Variants in FSD1L observed in about 807,000 individuals in gnomAD.
The protein encoded by FSD1L is fibronectin type III and SPRY domain containing 1 like.
A neutral mutation model predicts 71.6 loss-of-function variants in FSD1L; 45 were observed. The ratio of observed to expected loss-of-function variants is 0.63; its 90% CI spans 0.49 to 0.81. The LOEUF is 0.81. Ranked by LOEUF, FSD1L falls within the 30% of genes least tolerant of loss-of-function variation. FSD1L has a pLI of 0.00. For synonymous variants in FSD1L, 197 were observed against 207.2 expected, an observed-to-expected ratio of 0.95 and a Z score of 0.42; for missense variants, 561 against 618.1, an observed-to-expected ratio of 0.91 and a Z score of 0.98.
chr9:105,452,628 C>CGCCTGCCT (rs530990124), intron 1 of FSD1L, among the ~76,000 whole-genome samples: 3,299 of 124,190 alleles, frequency 0.027, 179 homozygotes, highest in African/African-American at 0.069. Context: ...GGCGCTCGCT[C>CGCCTGCCT]GCCTGCCTGC....
At chr9:105,476,211 G>A (rs558362009) in intron 5 of FSD1L, among the ~76,000 whole-genome samples, 111 of 152,218 alleles carry the variant, frequency 7.3e-4, no homozygotes, top group South Asian at 3.7e-3. Flanking sequence ...ATTGGTTTGC[G>A]ATTACTTCTT....
intron 1 of FSD1L, among the ~76,000 whole-genome samples, chr9:105,448,468 G>C (rs1829768268): frequency 1.3e-5 from 2 of 152,362 alleles, no homozygotes; most frequent in Admixed American, 6.5e-5. Context: ...TCTGCGCGCT[G>C]TCCGGGGCCC....
Position 105,547,663 on chromosome 9 carries a change from A to G in FSD1L, c.*1180A>G, listed in dbSNP as rs1268327392. 6.6e-6 allele frequency: 1 copy of G among 152,124 alleles called. No homozygotes were observed. The highest frequency in any genetic ancestry group is 1.5e-5 in the Non-Finnish European group (1 of 67,984). The allele number at this position is 152,124 out of a possible 1,614,324, so 9.4% of individuals were successfully genotyped here. On this transcript the variant is annotated 3_prime_UTR_variant, in exon 14 of 14. Transcript: ENST00000481272. ...AATTATTACAAAAATTGACATAGAT[A>G]TCTTTCCCAAACTTGGGGTAAAACC... is the stretch of plus-strand genomic sequence containing the variant.
chr9:105,477,212 T>C (rs1831862751), intron 5 of FSD1L, among the ~76,000 whole-genome samples: 1 of 152,162 alleles, frequency 6.6e-6, no homozygotes, highest in South Asian at 2.1e-4. Context: ...CTTCATATCA[T>C]TGGGTTATGC....
In FSD1L at chr9:105,453,044, G is replaced by GTTTTTTTTTTTTT. The variant is rs774826229; in HGVS notation, c.15+4819_15+4831dup. ...GAGCCATCACGTCTGACCTAAAGTTGTTTTTTTTTTTTTTTTTTTTTTGTT... is the reference window on the plus strand; with the variant it reads ...GAGCCATCACGTCTGACCTAAAGTTGTTTTTTTTTTTTTTTTTTTTTTTTTTTTTTTTTTTGTT... On this transcript the variant is annotated intron_variant, in intron 1 of 13. Transcript: ENST00000481272. Among the ~76,000 whole-genome samples, 16 of 88,240 alleles carry GTTTTTTTTTTTTT rather than the reference G, an allele frequency of 1.8e-4. 1 individual carries two copies. Among genetic ancestry groups the GTTTTTTTTTTTTT allele is most frequent in the Non-Finnish European group, 1.7e-4 (8 of 47,352 alleles). 57.9% of individuals were successfully genotyped at this position (88,240 alleles called of 152,430 possible). A position where few individuals can be genotyped will look rare whatever the true frequency, so the allele number is the denominator to read the frequency against.
At chr9:105,536,515 T>C (rs1233002190) in intron 12 of FSD1L, among the ~76,000 whole-genome samples, 1 of 152,228 alleles carries the variant, frequency 6.6e-6, no homozygotes, top group African/African-American at 2.4e-5. Flanking sequence ...TAGTATGACT[T>C]AGCACTGCTG....
At chr9:105,484,197 A>G (rs1832386881) in intron 6 of FSD1L, among the ~76,000 whole-genome samples, 184 bp from the exon 7 acceptor site, 1 of 152,140 alleles carries the variant, frequency 6.6e-6, no homozygotes, top group Non-Finnish European at 1.5e-5. Flanking sequence ...CTTTAAAAAG[A>G]CATTTTGTAG....
rs1837046974 is a variant in FSD1L at position 105,547,053 on chromosome 9, T to C, written c.*570T>C. On this transcript the variant is annotated 3_prime_UTR_variant, in exon 14 of 14. Transcript: ENST00000481272. Reference sequence around the variant, plus strand: ...CCTCTTTTGTTTATTGACTAGATTGTATATAATTTTCTTTTTTCCAAAATA... The same window carrying C: ...CCTCTTTTGTTTATTGACTAGATTGCATATAATTTTCTTTTTTCCAAAATA... 6.6e-6 allele frequency: 1 copy of C among 152,142 alleles called. No individual in the cohort carries two copies. The highest frequency in any genetic ancestry group is 1.5e-5 in the Non-Finnish European group (1 of 67,984). 9.4% of individuals were successfully genotyped at this position (152,142 alleles called of 1,614,324 possible).
In FSD1L at chr9:105,509,369, T is replaced by G. The variant is rs181788611; in HGVS notation, c.895+654T>G. On this transcript the variant is annotated intron_variant, in intron 9 of 13. Coordinates refer to ENST00000481272, the MANE Select transcript of FSD1L (RefSeq NM_001145313.3). ...CTGGAACCTAGGTTCTTCTAGTCTC[T>G]GAAAGCAATTGGGGTTTAATGAAAA... 9.2e-3 allele frequency among the ~76,000 whole-genome samples: 1,398 copies of G among 152,304 alleles called. 22 individuals are homozygous for G. Among genetic ancestry groups the G allele is most frequent in the African/African-American group, 0.032 (1,339 of 41,568 alleles).
In FSD1L at chr9:105,508,694, C is replaced by G; in HGVS notation, c.874C>G (p.Pro292Ala). The change falls in exon 9 of 14, where the codon CCA becomes GCA. Residue 292 changes from proline to alanine, a missense_variant. Pro to Ala is a conservative substitution (Grantham distance 27). Coordinates refer to ENST00000481272, the MANE Select transcript of FSD1L (RefSeq NM_001145313.3). Reference protein sequence around the residue: ...NKAVAGEYSDPVTLETKALNF... With the variant: ...NKAVAGEYSDAVTLETKALNF... ...GGCTGTGGCTGGAGAGTATTCTGAT[C>G]CAGTGACTCTAGAGACCAAAGGTGA... 1 of 1,548,418 alleles carries G rather than the reference C, an allele frequency of 6.5e-7. No individual in the cohort carries two copies. The highest frequency in any genetic ancestry group is 8.7e-7 in the Non-Finnish European group (1 of 1,143,990).
chr9:105,527,849 C>T (rs1393978213), intron 10 of FSD1L, among the ~76,000 whole-genome samples: 1 of 152,112 alleles, frequency 6.6e-6, no homozygotes, highest in Non-Finnish European at 1.5e-5. Context: ...GAGAGGAAGT[C>T]AAATTGTCTC....
intron 7 of FSD1L, among the ~76,000 whole-genome samples, chr9:105,502,429 C>T (rs1048460302): frequency 1.3e-5 from 2 of 152,070 alleles, no homozygotes; most frequent in African/African-American, 4.8e-5. Context: ...GGAGAATTTA[C>T]GTGTTGATTT....
intron 10 of FSD1L, among the ~76,000 whole-genome samples, chr9:105,531,189 C>T (rs978296865): frequency 1.3e-5 from 2 of 152,110 alleles, no homozygotes; most frequent in African/African-American, 2.4e-5. Flanking sequence ...TCAAGCCTAC[C>T]CTCCAGTATC....
At chr9:105,515,636 C>T (rs1057307615) in intron 10 of FSD1L, among the ~76,000 whole-genome samples, 4 of 152,202 alleles carry the variant, frequency 2.6e-5, no homozygotes, top group Admixed American at 6.5e-5. Context: ...GCCTGAGGAA[C>T]GGTGCACTCC....
At chr9:105,533,856 T>C (rs1378218461) in intron 10 of FSD1L, among the ~76,000 whole-genome samples, 2 of 152,154 alleles carry the variant, frequency 1.3e-5, no homozygotes, top group East Asian at 1.9e-4. Context: ...CCCGAGTAGC[T>C]GGGATTACAG....
chr9:105,446,879 G>A (rs989357586), upstream of FSD1L, among the ~76,000 whole-genome samples: 2 of 151,860 alleles, frequency 1.3e-5, no homozygotes, highest in African/African-American at 4.8e-5. Context: ...TTGAACTTTT[G>A]TGAGCCTCTC....
In FSD1L at chr9:105,504,121, G is replaced by A. The variant is rs556216862; in HGVS notation, c.587-2278G>A. On this transcript the variant is annotated intron_variant, in intron 7 of 13. Transcript: ENST00000481272. Reference sequence around the variant, plus strand: ...CAGCAAAATTTTCACATTGCTACAGGCCATAGGCCTTTACATTTCCTTACA... The same window carrying A: ...CAGCAAAATTTTCACATTGCTACAGACCATAGGCCTTTACATTTCCTTACA... 9.9e-5 allele frequency among the ~76,000 whole-genome samples: 15 copies of A among 152,260 alleles called. No individual in the cohort carries two copies. The South Asian group carries it at 2.3e-3, about 23-fold the overall frequency.
At chr9:105,520,435 A>C (rs555933602) in intron 10 of FSD1L, 1 of 1,071,292 alleles carries the variant, frequency 9.3e-7, no homozygotes. Context: ...GTTCTTTGAA[A>C]ATTTTGTGAC....
At chr9:105,521,237 A>G (rs1835133269) in intron 10 of FSD1L, 1 of 1,614,232 alleles carries the variant, frequency 6.2e-7, no homozygotes, top group African/African-American at 1.3e-5. Context: ...CTGGGATGGA[A>G]GGTGAAGTCT....
Sources: allele counts gnomAD v4.1 joint callset (sites outside exome capture counted in the v4.1 genomes callset), GRCh38; gene constraint gnomAD v4.1.1; transcripts MANE v1.5; gene names NCBI Gene and HGNC (gene_info 2026-07-23, HGNC 2026-07-21).